The following FMN1 variants were observed in gnomAD, a reference collection of about 807,000 sequenced individuals.
FMN1 encodes formin-1.
In FMN1, 110 loss-of-function variants were observed where a neutral mutation model predicts 132.4. The ratio of observed to expected loss-of-function variants is 0.83; its 90% CI spans 0.71 to 0.97. The LOEUF (loss-of-function observed/expected upper bound fraction) is 0.97, where lower values mean the gene tolerates loss of function less well. Ranked by LOEUF, FMN1 falls within the 50% of genes least tolerant of loss-of-function variation. The pLI is 0.00. For synonymous variants in FMN1, 722 were observed against 651.7 expected, an observed-to-expected ratio of 1.11 and a Z score of -1.64; for missense variants, 1,792 against 1,705.3, an observed-to-expected ratio of 1.05 and a Z score of -0.90.
At chr15:33,148,734 G>A (rs1964327797) in intron 4 of FMN1, among the ~76,000 whole-genome samples, 1 of 152,168 alleles carries the variant, frequency 6.6e-6, no homozygotes, top group Non-Finnish European at 1.5e-5. Context: ...AGGACTGTGA[G>A]TAATCCAGGG....
chr15:33,122,017 C>A (rs1962607743), intron 4 of FMN1, among the ~76,000 whole-genome samples: 1 of 152,174 alleles, frequency 6.6e-6, no homozygotes. Context: ...GACACGATCT[C>A]TACTTTCAAG....
chr15:32,899,415 T>C (rs1406188581), intron 14 of FMN1, among the ~76,000 whole-genome samples: 1 of 152,148 alleles, frequency 6.6e-6, no homozygotes, highest in African/African-American at 2.4e-5. Flanking sequence ...TAATTCTAAT[T>C]TGCCTGTGTG....
At chr15:32,952,921 T>C (rs751580714) in intron 9 of FMN1, among the ~76,000 whole-genome samples, 1 of 152,164 alleles carries the variant, frequency 6.6e-6, no homozygotes, top group Non-Finnish European at 1.5e-5. Context: ...TGGGTCAACG[T>C]AGAGTCTCAC....
intron 16 of FMN1, among the ~76,000 whole-genome samples, chr15:32,875,751 CCA>C (rs1178795245): frequency 2.0e-5 from 3 of 152,192 alleles, no homozygotes; most frequent in African/African-American, 7.2e-5. Flanking sequence ...TGTGAATCTT[CCA>C]CAGAGTCAAA....
At chr15:32,827,028 G>A (rs1460157011) in intron 17 of FMN1, among the ~76,000 whole-genome samples, 1 of 152,200 alleles carries the variant, frequency 6.6e-6, no homozygotes, top group Non-Finnish European at 1.5e-5. Flanking sequence ...CAGGCCTGTT[G>A]CCACGTCTCC....
chr15:32,777,032 T>C, intron 19 of FMN1, 113 bp from the exon 20 acceptor site: 1 of 592,158 alleles, frequency 1.7e-6, no homozygotes, highest in Non-Finnish European at 2.9e-6. Context: ...GCTTTTGAAT[T>C]AATCCATCAG....
chr15:32,964,091 C>A lies in FMN1; in HGVS notation c.3138+16G>T. ...GTATAATATATAATTACAGCTTTGCCATAATCACTCAGTACCTTTTTGACC... is the reference window on the plus strand; with the variant it reads ...GTATAATATATAATTACAGCTTTGCAATAATCACTCAGTACCTTTTTGACC... On this transcript the variant is annotated intron_variant, in intron 9 of 20. Coordinates refer to ENST00000616417, the MANE Select transcript of FMN1 (RefSeq NM_001277313.2). 1 of 1,592,748 alleles carries A rather than the reference C, an allele frequency of 6.3e-7. No homozygotes were observed. The highest frequency in any genetic ancestry group is 1.1e-5 in the South Asian group (1 of 89,876).
chr15:32,899,931 AAAG>A, intron 14 of FMN1, 45 bp downstream of exon 14: 1 of 1,582,994 alleles, frequency 6.3e-7, no homozygotes, highest in Non-Finnish European at 8.6e-7. Flanking sequence ...AAAGGTAAAG[AAAG>A]AAAATAATGG....
chr15:33,148,336 A>G (rs1480344742), intron 4 of FMN1, among the ~76,000 whole-genome samples: 1 of 152,124 alleles, frequency 6.6e-6, no homozygotes, highest in Non-Finnish European at 1.5e-5. Context: ...TCCCTCAAAG[A>G]GGGTTAGAAG....
intron 3 of FMN1, among the ~76,000 whole-genome samples, chr15:33,164,417 G>A (rs1229585466): frequency 6.6e-6 from 1 of 152,022 alleles, no homozygotes; most frequent in African/African-American, 2.4e-5. Context: ...TTTAGAGGAC[G>A]AGTTTCTGGC....
intron 19 of FMN1, among the ~76,000 whole-genome samples, chr15:32,778,990 A>G (rs1007684213): frequency 1.3e-5 from 2 of 152,190 alleles, no homozygotes; most frequent in African/African-American, 4.8e-5. Flanking sequence ...ATAAAAAGGA[A>G]TGAATTTGCT....
intron 4 of FMN1, among the ~76,000 whole-genome samples, chr15:33,115,299 TAA>T (rs941237654): frequency 1.3e-5 from 2 of 152,136 alleles, no homozygotes; most frequent in Non-Finnish European, 2.9e-5. Flanking sequence ...TCATGGGAAA[TAA>T]TACTTGAAGG....
At chr15:33,033,885 T>C (rs1333517749) in intron 6 of FMN1, among the ~76,000 whole-genome samples, 1 of 152,160 alleles carries the variant, frequency 6.6e-6, no homozygotes, top group African/African-American at 2.4e-5. Context: ...GCACACTCCC[T>C]CTCTGATACA....
Position 32,964,016 on chromosome 15 carries a change from TACACACACACACACACACAC to T in FMN1, c.3138+71_3138+90del. ...GGTATGTGTGTGTGTGTATATACGA[TACACACACACACACACACAC>T]ACACACACACACATATATACCATTT... is the stretch of plus-strand genomic sequence containing the variant. On this transcript the variant is annotated intron_variant, in intron 9 of 20. Coordinates refer to ENST00000616417, the MANE Select transcript of FMN1 (RefSeq NM_001277313.2). 4.0e-6 allele frequency: 2 copies of T among 506,190 alleles called. 1 individual carries two copies. Among genetic ancestry groups the T allele is most frequent in the South Asian group, 7.3e-5 (2 of 27,448 alleles). 31.4% of individuals were successfully genotyped at this position (506,190 alleles called of 1,614,324 possible).
chr15:32,865,132 A>AG (rs772749003), intron 16 of FMN1, among the ~76,000 whole-genome samples: 75 of 152,272 alleles, frequency 4.9e-4, no homozygotes, highest in Admixed American at 1.4e-3. Context: ...GTGACAGCTA[A>AG]GGGGGTAAGG....
intron 6 of FMN1, among the ~76,000 whole-genome samples, chr15:33,060,547 A>C (rs2037434281): frequency 6.6e-6 from 1 of 152,194 alleles, no homozygotes; most frequent in Non-Finnish European, 1.5e-5. Flanking sequence ...CTAGGTTCTG[A>C]GGAAAGATGT....
intron 17 of FMN1, among the ~76,000 whole-genome samples, chr15:32,824,577 A>G (rs1249660985): frequency 6.6e-6 from 1 of 152,094 alleles, no homozygotes; most frequent in African/African-American, 2.4e-5. Flanking sequence ...TTCAGGCTCC[A>G]AGGCCCGCTC....
intron 12 of FMN1, 173 bp downstream of exon 12, chr15:32,908,317 G>A (rs888564464): frequency 7.3e-6 from 4 of 548,170 alleles, no homozygotes; most frequent in South Asian, 2.2e-5. Context: ...AAATCTCAGC[G>A]CTGCTTTTCC....
rs1270406879 is a variant in FMN1 at position 32,767,062 on chromosome 15, G to A, written c.*7248C>T. 2 of 152,124 alleles carry A rather than the reference G, an allele frequency of 1.3e-5. No homozygotes were observed. The highest frequency in any genetic ancestry group is 4.8e-5 in the African/African-American group (2 of 41,410). The allele number at this position is 152,124 out of a possible 1,614,324, so 9.4% of individuals were successfully genotyped here. A position where few individuals can be genotyped will look rare whatever the true frequency, so the allele number is the denominator to read the frequency against. ...TTGGCACTGATCAATACAAGATCAAGGGCACTCACATTTGCCTAATACAGA... is the reference window on the plus strand; with the variant it reads ...TTGGCACTGATCAATACAAGATCAAAGGCACTCACATTTGCCTAATACAGA... On this transcript the variant is annotated 3_prime_UTR_variant, in exon 21 of 21. Coordinates refer to ENST00000616417, the MANE Select transcript of FMN1 (RefSeq NM_001277313.2).
Sources: gnomAD v4.1 joint callset for allele counts (sites outside exome capture counted in the v4.1 genomes callset) on GRCh38, gnomAD v4.1.1 for gene constraint, MANE v1.5 for transcripts, NCBI Gene and HGNC (gene_info 2026-07-23, HGNC 2026-07-21) for gene names.